Variants in HTR1F observed in about 807,000 individuals in gnomAD.
HTR1F encodes 5-hydroxytryptamine (serotonin) receptor 1F, G protein-coupled.
HTR1F carries 17 observed loss-of-function variants against 24.0 expected under a neutral mutation model. The ratio of observed to expected loss-of-function variants is 0.71; its 90% CI spans 0.48 to 1.06. The LOEUF is 1.06. Ranked by LOEUF, HTR1F falls within the 50% of genes least tolerant of loss-of-function variation. The pLI, the probability that HTR1F is intolerant of heterozygous loss-of-function variation, is 0.00. For missense variants in HTR1F, 391 were observed against 427.8 expected (o/e 0.91, Z 0.76); for synonymous variants, 186 against 156.8 (o/e 1.19, Z -1.39).
chr3:87,977,903 G>A (rs1705433935), intron 2 of HTR1F, among the ~76,000 whole-genome samples: 1 of 152,150 alleles, frequency 6.6e-6, no homozygotes, highest in African/African-American at 2.4e-5. Context: ...CAGACCCACT[G>A]GACTTGTTCT....
At chr3:87,926,245 T>A (rs1325384803) in intron 2 of HTR1F, among the ~76,000 whole-genome samples, 1 of 152,194 alleles carries the variant, frequency 6.6e-6, no homozygotes, top group East Asian at 1.9e-4. Flanking sequence ...TCACTGCAGT[T>A]CATTCAGTGT....
At chr3:87,981,096 C>T (rs572320061) in intron 2 of HTR1F, among the ~76,000 whole-genome samples, 1 of 152,314 alleles carries the variant, frequency 6.6e-6, no homozygotes, top group East Asian at 1.9e-4. Context: ...CCAGCCTTCA[C>T]CTCACCTGCC....
At chr3:87,898,885 T>C (rs1386873309) in intron 2 of HTR1F, among the ~76,000 whole-genome samples, 1 of 152,158 alleles carries the variant, frequency 6.6e-6, no homozygotes, top group African/African-American at 2.4e-5. Flanking sequence ...TTATACAAGT[T>C]ATTTCTGAGG....
At chr3:87,961,968 T>C (rs1705072524) in intron 2 of HTR1F, among the ~76,000 whole-genome samples, 1 of 152,198 alleles carries the variant, frequency 6.6e-6, no homozygotes, top group African/African-American at 2.4e-5. Flanking sequence ...TACTAAAAAA[T>C]GATTCATTGT....
intron 2 of HTR1F, among the ~76,000 whole-genome samples, chr3:87,901,338 CA>C (rs1706316131): frequency 6.6e-6 from 1 of 151,932 alleles, no homozygotes; most frequent in African/African-American, 2.4e-5. Flanking sequence ...GCACCCTTAT[CA>C]GAAGAGATTA....
intron 1 of HTR1F, among the ~76,000 whole-genome samples, chr3:87,821,264 G>A (rs1035333823): frequency 2.1e-4 from 32 of 152,174 alleles, no homozygotes; most frequent in African/African-American, 7.2e-4. Flanking sequence ...TTATATTTTT[G>A]TATGAATCTT....
At chr3:87,813,295 T>C (rs1337749866) in intron 1 of HTR1F, among the ~76,000 whole-genome samples, 1 of 152,222 alleles carries the variant, frequency 6.6e-6, no homozygotes, top group African/African-American at 2.4e-5. Context: ...TTTTGGAGCT[T>C]TAAGATTTAA....
intron 2 of HTR1F, among the ~76,000 whole-genome samples, chr3:87,856,621 T>C (rs1166598264): frequency 6.6e-6 from 1 of 152,156 alleles, no homozygotes; most frequent in African/African-American, 2.4e-5. Flanking sequence ...TTGTAAAGAA[T>C]TTCTTCCAAC....
intron 2 of HTR1F, among the ~76,000 whole-genome samples, chr3:87,927,247 T>C (rs557459761): frequency 1.6e-4 from 24 of 152,278 alleles, no homozygotes; most frequent in African/African-American, 5.8e-4. Context: ...AAGACAGTTA[T>C]GTCCTGGAGC....
intron 2 of HTR1F, among the ~76,000 whole-genome samples, chr3:87,906,249 A>T (rs1247828730): frequency 6.6e-6 from 1 of 152,104 alleles, no homozygotes; most frequent in African/African-American, 2.4e-5. Flanking sequence ...ATAAGGCCTT[A>T]TGTGAAACTT....
chr3:87,938,908 C>G (rs1480055295), intron 2 of HTR1F, among the ~76,000 whole-genome samples: 3 of 152,178 alleles, frequency 2.0e-5, no homozygotes, highest in African/African-American at 7.2e-5. Flanking sequence ...ACACCAAAAG[C>G]AATCACAACG....
chr3:87,965,266 T>C (rs891750193), intron 2 of HTR1F, among the ~76,000 whole-genome samples: 6 of 152,198 alleles, frequency 3.9e-5, no homozygotes, highest in Non-Finnish European at 7.4e-5. Context: ...GTTAATAATA[T>C]GAACTTGCAG....
At chr3:87,948,544 T>G (rs529345414) in intron 2 of HTR1F, among the ~76,000 whole-genome samples, 2 of 152,058 alleles carry the variant, frequency 1.3e-5, no homozygotes, top group South Asian at 4.2e-4. Context: ...TGCAGTCGCA[T>G]AGTCACAGCT....
At chr3:87,800,519 A>G (rs1232372436) in intron 1 of HTR1F, among the ~76,000 whole-genome samples, 2 of 152,212 alleles carry the variant, frequency 1.3e-5, no homozygotes, top group African/African-American at 2.4e-5. Flanking sequence ...GTAAATATCC[A>G]TAGTGCATTC....
At chr3:87,796,992 C>T (rs1703916232) in intron 1 of HTR1F, among the ~76,000 whole-genome samples, 1 of 152,016 alleles carries the variant, frequency 6.6e-6, no homozygotes, top group Non-Finnish European at 1.5e-5. Flanking sequence ...TATAGTAGTC[C>T]CTCCTTATTC....
chr3:87,845,588 A>G (rs1037316982), intron 2 of HTR1F, among the ~76,000 whole-genome samples: 8 of 151,078 alleles, frequency 5.3e-5, no homozygotes, highest in Non-Finnish European at 1.0e-4. Context: ...AAAAGAGGAT[A>G]CAAACAAATG....
intron 2 of HTR1F, among the ~76,000 whole-genome samples, chr3:87,987,223 C>A (rs1428631849): frequency 1.3e-5 from 2 of 151,966 alleles, no homozygotes; most frequent in Non-Finnish European, 2.9e-5. Context: ...ATATTTAGTG[C>A]AAATTTTATG....
chr3:87,900,617 G>A (rs1002728467), intron 2 of HTR1F, among the ~76,000 whole-genome samples: 18 of 152,180 alleles, frequency 1.2e-4, no homozygotes, highest in Non-Finnish European at 1.6e-4. Context: ...GATTAATGGG[G>A]AGTAGACTTG....
At chr3:87,985,055 G>C (rs1272114425) in intron 2 of HTR1F, among the ~76,000 whole-genome samples, 1 of 152,086 alleles carries the variant, frequency 6.6e-6, no homozygotes, top group Non-Finnish European at 1.5e-5. Flanking sequence ...TTACTTGAGG[G>C]CTGGGCACAG....
Sources: allele counts gnomAD v4.1 joint callset (sites outside exome capture counted in the v4.1 genomes callset), GRCh38; gene constraint gnomAD v4.1.1; transcripts MANE v1.5; gene names NCBI Gene and HGNC (gene_info 2026-07-23, HGNC 2026-07-21).